Variants in NKAIN2 observed in about 807,000 individuals in gnomAD.
The protein encoded by NKAIN2 is sodium/potassium transporting ATPase interacting 2, also known as sodium/potassium-transporting ATPase subunit beta-1-interacting protein 2.
NKAIN2 carries 14 observed loss-of-function variants against 32.6 expected under a neutral mutation model. That is an observed-to-expected ratio of 0.43 (90% CI 0.28 to 0.67). The LOEUF (loss-of-function observed/expected upper bound fraction) is 0.67. Ranked by LOEUF, NKAIN2 falls within the 30% of genes least tolerant of loss-of-function variation. The pLI is 0.17. For synonymous variants in NKAIN2, 80 were observed against 87.2 expected (o/e 0.92, Z 0.46); for missense variants, 198 against 258.3 (o/e 0.77, Z 1.60).
At chr6:124,104,979 C>T (rs1385543599) in intron 1 of NKAIN2, among the ~76,000 whole-genome samples, 2 of 152,106 alleles carry the variant, frequency 1.3e-5, no homozygotes. Flanking sequence ...AGACTTCTGT[C>T]AATGTTGGAC....
intron 2 of NKAIN2, among the ~76,000 whole-genome samples, chr6:124,316,887 G>C (rs970954972): frequency 2.0e-5 from 3 of 152,074 alleles, no homozygotes; most frequent in African/African-American, 7.2e-5. Flanking sequence ...AAAGATTCAG[G>C]TGGACTGGGA....
intron 4 of NKAIN2, among the ~76,000 whole-genome samples, chr6:124,788,779 T>C (rs1004710874): frequency 1.1e-4 from 16 of 152,144 alleles, no homozygotes; most frequent in African/African-American, 3.9e-4. Context: ...CCAAACCATA[T>C]CAGAGACATT....
intron 1 of NKAIN2, among the ~76,000 whole-genome samples, chr6:123,954,034 C>T (rs1777450858): frequency 6.6e-6 from 1 of 152,178 alleles, no homozygotes; most frequent in Non-Finnish European, 1.5e-5. Context: ...CTGGGCCTGG[C>T]AAAGGTGTCC....
Position 124,708,222 on chromosome 6 carries a change from C to T in NKAIN2, c.474+49836C>T, listed in dbSNP as rs1583688061. On this transcript the variant is annotated intron_variant, in intron 4 of 6. Coordinates refer to ENST00000368417, the MANE Select transcript of NKAIN2 (RefSeq NM_001040214.3). ...CTATATCTCTGTTTTGGTACCAATA[C>T]CATGCTGTTTTGGTTACTGTAGCCT... Among the ~76,000 whole-genome samples the T allele has an allele frequency of 3.4e-5, 5 of 146,498 alleles. No individual in the cohort carries two copies. In the East Asian group the frequency reaches 9.9e-4, roughly 29 times the overall value.
intron 4 of NKAIN2, among the ~76,000 whole-genome samples, chr6:124,707,373 G>A (rs1775144699): frequency 6.6e-6 from 1 of 151,274 alleles, no homozygotes; most frequent in African/African-American, 2.4e-5. Context: ...GGATGGCTGG[G>A]TCAAATGGTA....
At chr6:124,579,281 G>A (rs937437819) in intron 3 of NKAIN2, among the ~76,000 whole-genome samples, 5 of 152,222 alleles carry the variant, frequency 3.3e-5, no homozygotes, top group Non-Finnish European at 7.3e-5. Flanking sequence ...GGCCAATACT[G>A]GAGAGACAGA....
intron 3 of NKAIN2, among the ~76,000 whole-genome samples, chr6:124,556,865 C>T (rs7745137): frequency 0.018 from 2,729 of 152,220 alleles, 84 homozygotes; most frequent in African/African-American, 0.062. Context: ...AATGCTCCTT[C>T]AGCTCCACCA....
intron 3 of NKAIN2, among the ~76,000 whole-genome samples, chr6:124,557,144 T>C (rs1412560188): frequency 1.3e-5 from 2 of 152,174 alleles, no homozygotes; most frequent in East Asian, 1.9e-4. Context: ...AACATTAACA[T>C]AGGCAAATAT....
chr6:123,850,593 T>C (rs1775299733), intron 1 of NKAIN2, among the ~76,000 whole-genome samples: 2 of 152,270 alleles, frequency 1.3e-5, no homozygotes, highest in South Asian at 4.1e-4. Flanking sequence ...TTGTTTCACT[T>C]TGTAATTTTA....
intron 3 of NKAIN2, among the ~76,000 whole-genome samples, chr6:124,385,668 T>C (rs192372032): frequency 6.4e-4 from 97 of 152,230 alleles, no homozygotes; most frequent in African/African-American, 2.2e-3. Flanking sequence ...GTTTGGACAA[T>C]AAATTATGTG....
intron 1 of NKAIN2, among the ~76,000 whole-genome samples, chr6:123,907,289 T>C (rs757758582): frequency 7.9e-5 from 12 of 152,114 alleles, no homozygotes; most frequent in Non-Finnish European, 1.6e-4. Context: ...TTCAGATAAA[T>C]TGAAAATAGT....
chr6:124,040,972 C>T (rs1781844824), intron 1 of NKAIN2, among the ~76,000 whole-genome samples: 1 of 151,938 alleles, frequency 6.6e-6, no homozygotes, highest in South Asian at 2.1e-4. Context: ...GTCTTACACT[C>T]TATGTTGTAC....
intron 2 of NKAIN2, among the ~76,000 whole-genome samples, chr6:124,345,115 G>T (rs9388321): frequency 0.32 from 48,966 of 151,848 alleles, 8,770 homozygotes; most frequent in South Asian, 0.46. Context: ...CTTTGGTTCT[G>T]TTTATATGCT....
chr6:124,708,427 T>C (rs1388320176), intron 4 of NKAIN2, among the ~76,000 whole-genome samples: 3 of 152,034 alleles, frequency 2.0e-5, no homozygotes, highest in Admixed American at 6.6e-5. Context: ...GTAAATTACC[T>C]TGGGCAGTAT....
chr6:124,337,952 A>G (rs1471628550), intron 2 of NKAIN2, among the ~76,000 whole-genome samples: 1 of 152,196 alleles, frequency 6.6e-6, no homozygotes, highest in Non-Finnish European at 1.5e-5. Context: ...TTTTGTTTAC[A>G]TTGGTGTACC....
intron 3 of NKAIN2, among the ~76,000 whole-genome samples, chr6:124,533,752 G>A (rs1779614648): frequency 6.6e-6 from 1 of 152,106 alleles, no homozygotes; most frequent in Non-Finnish European, 1.5e-5. Flanking sequence ...AATTACTATG[G>A]AATGAGTGGC....
At chr6:123,820,022 C>G (rs1017241920) in intron 1 of NKAIN2, among the ~76,000 whole-genome samples, 1 of 152,166 alleles carries the variant, frequency 6.6e-6, no homozygotes, top group Non-Finnish European at 1.5e-5. Context: ...AGATAAGGTC[C>G]TGGAACTGAG....
intron 3 of NKAIN2, among the ~76,000 whole-genome samples, chr6:124,445,783 CAAAA>C (rs869309610): frequency 1.3e-4 from 9 of 70,108 alleles, no homozygotes; most frequent in African/African-American, 2.8e-4. Context: ...CGAAACAAAA[CAAAA>C]AAAAAAAACA....
At chr6:124,552,096 C>T (rs955152751) in intron 3 of NKAIN2, among the ~76,000 whole-genome samples, 9 of 152,176 alleles carry the variant, frequency 5.9e-5, no homozygotes, top group African/African-American at 2.2e-4. Context: ...GCACTGATAA[C>T]AGCTCTGAAA....
Sources: allele counts gnomAD v4.1 joint callset (sites outside exome capture counted in the v4.1 genomes callset), GRCh38; gene constraint gnomAD v4.1.1; transcripts MANE v1.5; gene names NCBI Gene and HGNC (gene_info 2026-07-23, HGNC 2026-07-21).